FMO3: variants seen among roughly 807,000 people sequenced by gnomAD.
FMO3 encodes the protein flavin containing dimethylaniline monoxygenase 3.
In FMO3, 40 loss-of-function variants were observed where a neutral mutation model predicts 39.4. The observed-to-expected ratio is 1.02, with a 90% confidence interval of 0.79 to 1.32. The LOEUF (loss-of-function observed/expected upper bound fraction) is 1.32. Ranked by LOEUF, FMO3 falls within the 40% of genes most tolerant of loss-of-function variation. The probability of loss-of-function intolerance (pLI) is 0.00; values close to 1 mark genes in which losing one functional copy is unlikely to be tolerated. For missense variants in FMO3, 680 were observed against 651.8 expected (o/e 1.04, Z -0.47); for synonymous variants, 219 against 228.8 (o/e 0.96, Z 0.39).
At chr1:171,096,185 T>C (rs1471355328) in intron 2 of FMO3, among the ~76,000 whole-genome samples, 1 of 51,232 alleles carries the variant, frequency 2.0e-5, no homozygotes, top group Non-Finnish European at 3.1e-5. Context: ...TATAATATAT[T>C]AATATATATT....
chr1:171,103,233 G>T (rs1655485241), intron 2 of FMO3, among the ~76,000 whole-genome samples: 1 of 152,066 alleles, frequency 6.6e-6, no homozygotes, highest in South Asian at 2.1e-4. Context: ...TTTAAAATTT[G>T]TTTCCCTTAG....
intron 2 of FMO3, among the ~76,000 whole-genome samples, chr1:171,103,521 C>G (rs911807103): frequency 9.2e-5 from 14 of 152,192 alleles, no homozygotes; most frequent in African/African-American, 3.4e-4. Flanking sequence ...AAACAATACA[C>G]TACAACTATT....
intron 3 of FMO3, among the ~76,000 whole-genome samples, chr1:171,106,854 T>C (rs1655662813): frequency 6.6e-6 from 1 of 152,154 alleles, no homozygotes; most frequent in South Asian, 2.1e-4. Flanking sequence ...AAAGTTGCCA[T>C]ATATAATAGC....
chr1:171,105,023 T>C (rs980155198), intron 3 of FMO3, among the ~76,000 whole-genome samples: 4 of 151,572 alleles, frequency 2.6e-5, no homozygotes, highest in Non-Finnish European at 5.9e-5. Context: ...TAAAAGTGTT[T>C]GCCAAGTAAT....
rs72549331 is a variant in FMO3 at position 171,114,339 on chromosome 1, G to T, written c.1160G>T (p.Arg387Leu). Residue 387 changes from arginine (R) to leucine (L), a missense_variant, in exon 7 of 9, where the codon CGC becomes CTC. Arg to Leu is a moderately radical substitution (Grantham distance 102, BLOSUM62 -2). Coordinates refer to ENST00000367755, the MANE Select transcript of FMO3 (RefSeq NM_001002294.3). ...ATTCCCACAGTTGACCTCCAGTCCC[G>T]CTGGGCAGCACAAGTAATAAAGGGT... ...AAIPTVDLQS[R>L]WAAQVIKGTC... 6.2e-7 allele frequency: 1 copy of T among 1,613,228 alleles called. No individual in the cohort carries two copies. The highest frequency in any genetic ancestry group is 1.1e-5 in the South Asian group (1 of 91,050).
At chr1:171,093,537 A>G (rs1463086800) in intron 2 of FMO3, among the ~76,000 whole-genome samples, 1 of 152,036 alleles carries the variant, frequency 6.6e-6, no homozygotes, top group Admixed American at 6.6e-5. Flanking sequence ...GTCTGTGTGT[A>G]TATATACATA....
intron 2 of FMO3, among the ~76,000 whole-genome samples, chr1:171,096,901 T>C (rs1446900256): frequency 6.6e-6 from 1 of 151,544 alleles, no homozygotes; most frequent in East Asian, 1.9e-4. Context: ...TAACTTGTCA[T>C]TTAGCATTAG....
At chr1:171,116,186 C>T (rs778875159) in intron 7 of FMO3, 22 bp from the exon 8 acceptor site, 14 of 1,482,270 alleles carry the variant, frequency 9.4e-6, no homozygotes, top group Admixed American at 8.4e-5. Context: ...TAATTACCAT[C>T]GTGTCTTTCC....
chr1:171,095,536 C>T (rs906823938), intron 2 of FMO3, among the ~76,000 whole-genome samples: 1 of 151,300 alleles, frequency 6.6e-6, no homozygotes, highest in African/African-American at 2.4e-5. Flanking sequence ...GCCACTATTT[C>T]CTCCTCAAAT....
rs1239470479 is a variant in FMO3, at chr1:171,096,178, A to G, written c.132+3388A>G. On this transcript the variant is annotated intron_variant, in intron 2 of 8. Transcript: ENST00000367755. The stretch of plus-strand genomic sequence containing the variant: ...ATATATAATATATATAATTATATAT[A>G]ATATATTAATATATATTTATATCAA... 8.0e-5 allele frequency among the ~76,000 whole-genome samples: 6 copies of G among 75,454 alleles called. No individual in the cohort carries two copies. The South Asian group carries it at 1.9e-3, about 24-fold the overall frequency. The allele number at this position is 75,454 out of a possible 152,430, so 49.5% of individuals were successfully genotyped here.
At chr1:171,113,226 A>G (rs1655992319) in intron 6 of FMO3, among the ~76,000 whole-genome samples, 2 of 152,192 alleles carry the variant, frequency 1.3e-5, no homozygotes, top group African/African-American at 4.8e-5. Flanking sequence ...CTCTGCTCCC[A>G]CTACAGATAT....
chr1:171,117,610 C>T lies in FMO3; in HGVS notation c.*168C>T. On this transcript the variant is annotated 3_prime_UTR_variant, in exon 9 of 9. Coordinates refer to ENST00000367755, the MANE Select transcript of FMO3 (RefSeq NM_001002294.3). Reference sequence around the variant, plus strand: ...GTGTTATTTCTAGGCTCTGAAATAGCCACTTTAAGAATCATGTCATGATCT... The same window carrying T: ...GTGTTATTTCTAGGCTCTGAAATAGTCACTTTAAGAATCATGTCATGATCT... The T allele has an allele frequency of 1.7e-6, 1 of 582,868 alleles. No homozygotes were observed. The highest frequency in any genetic ancestry group is 3.0e-6 in the Non-Finnish European group (1 of 332,284). The allele number at this position is 582,868 out of a possible 1,614,324, so 36.1% of individuals were successfully genotyped here.
At chr1:171,096,500 ACT>A (rs1655070174) in intron 2 of FMO3, among the ~76,000 whole-genome samples, 2 of 103,352 alleles carry the variant, frequency 1.9e-5, no homozygotes, top group East Asian at 6.3e-4. Flanking sequence ...TACATAATAT[ACT>A]TTATATATTA....
At chr1:171,091,168 G>A (rs1369341234) in intron 1 of FMO3, among the ~76,000 whole-genome samples, 187 bp downstream of exon 1, 1 of 150,994 alleles carries the variant, frequency 6.6e-6, no homozygotes, top group Non-Finnish European at 1.5e-5. Context: ...AGAGGTTGCA[G>A]TGAGCCGAGA....
intron 2 of FMO3, among the ~76,000 whole-genome samples, chr1:171,102,975 A>T (rs1037458361): frequency 1.3e-5 from 2 of 152,222 alleles, no homozygotes; most frequent in Non-Finnish European, 2.9e-5. Context: ...TATTTTATAC[A>T]TTATAGAAAT....
rs1320739617 is a variant in FMO3, at chr1:171,116,377, G to GA, written c.1256+98dup. 5.8e-6 allele frequency: 4 copies of GA among 692,560 alleles called. No homozygotes were observed. The Admixed American group carries it at 7.2e-5, about 12-fold the overall frequency. 42.9% of individuals were successfully genotyped at this position (692,560 alleles called of 1,614,324 possible). ...GTTTTAATCTTAAATTATCCTGAAT[G>GA]ACATCATTGGAATGACAACTACAAG... On this transcript the variant is annotated intron_variant, in intron 8 of 8. Transcript: ENST00000367755.
chr1:171,091,255 G>A (rs1445442453), intron 1 of FMO3, among the ~76,000 whole-genome samples: 1 of 151,864 alleles, frequency 6.6e-6, no homozygotes, highest in Non-Finnish European at 1.5e-5. Flanking sequence ...AGAATAAAAG[G>A]TGATATAGTA....
chr1:171,096,051 T>TATAATATATATTATATATATAA (rs1243884892), intron 2 of FMO3, among the ~76,000 whole-genome samples: 3,273 of 56,740 alleles, frequency 0.058, 201 homozygotes, highest in East Asian at 0.22. Context: ...TATATATAAA[T>TATAATATATATTATATATATAA]ATATAATATA....
rs759297147 is a variant in FMO3 at position 171,116,283 on chromosome 1, A to T, written c.1256+3A>T. The T allele has an allele frequency of 6.7e-7, 1 of 1,496,090 alleles. No homozygotes were observed. Among genetic ancestry groups the T allele is most frequent in the Non-Finnish European group, 9.3e-7 (1 of 1,073,154 alleles). The allele number at this position is 1,496,090 out of a possible 1,614,324, so 92.7% of individuals were successfully genotyped here. ...AAAATGGAGAAAAAGCGCAAATGGT[A>T]AGAGTACCTATTGTAATAGGAGTGT... On this transcript the variant is annotated splice_donor_region_variant and intron_variant, in intron 8 of 8. Coordinates refer to ENST00000367755, the MANE Select transcript of FMO3 (RefSeq NM_001002294.3).
Sources: gnomAD v4.1 joint callset for allele counts (sites outside exome capture counted in the v4.1 genomes callset) on GRCh38, gnomAD v4.1.1 for gene constraint, MANE v1.5 for transcripts, NCBI Gene and HGNC (gene_info 2026-07-23, HGNC 2026-07-21) for gene names.